FANCL: variants seen among roughly 807,000 people sequenced by gnomAD.
The protein encoded by FANCL is E3 ubiquitin-protein ligase FANCL.
Under a neutral mutation model 59.4 loss-of-function variants are expected in FANCL, and 69 were observed. The ratio of observed to expected loss-of-function variants is 1.16; its 90% CI spans 0.96 to 1.42. The LOEUF (loss-of-function observed/expected upper bound fraction) is 1.42, where lower values mean the gene tolerates loss of function less well. Among genes scored for constraint, FANCL ranks in the 40% most tolerant of loss-of-function variants. The pLI is 0.00. For missense variants in FANCL, 519 were observed against 447.2 expected (o/e 1.16, Z -1.45); for synonymous variants, 180 against 147.1 (o/e 1.22, Z -1.62).
chr2:58,186,926 G>GGA, intron 7 of FANCL, among the ~76,000 whole-genome samples: 1 of 152,238 alleles, frequency 6.6e-6, no homozygotes, highest in East Asian at 1.9e-4. Context: ...AACAGGTGCT[G>GGA]GAGGATGTGG....
chr2:58,192,740 T>G (rs1440794823), intron 7 of FANCL, among the ~76,000 whole-genome samples: 3 of 151,772 alleles, frequency 2.0e-5, no homozygotes, highest in Non-Finnish European at 2.9e-5. Flanking sequence ...AAAAGTAGTA[T>G]AAATACAAAA....
chr2:58,177,242 G>C (rs547008795), intron 7 of FANCL, among the ~76,000 whole-genome samples: 6 of 152,084 alleles, frequency 3.9e-5, no homozygotes, highest in Admixed American at 2.6e-4. Context: ...AGGGATCTAG[G>C]ACTAGAAATA....
chr2:58,222,916 T>C (rs1408346380), intron 4 of FANCL, among the ~76,000 whole-genome samples: 1 of 151,974 alleles, frequency 6.6e-6, no homozygotes, highest in East Asian at 1.9e-4. Flanking sequence ...TTGAAAATTA[T>C]AAACACTTCT....
intron 7 of FANCL, among the ~76,000 whole-genome samples, chr2:58,192,459 A>T (rs2105052690): frequency 6.6e-6 from 1 of 152,100 alleles, no homozygotes; most frequent in African/African-American, 2.4e-5. Context: ...AAAGTTTTTT[A>T]AAAAGTGACC....
intron 3 of FANCL, among the ~76,000 whole-genome samples, chr2:58,229,603 C>G (rs1043659560): frequency 6.6e-6 from 1 of 152,084 alleles, no homozygotes; most frequent in African/African-American, 2.4e-5. Flanking sequence ...AACCTAAAGT[C>G]TCAAAGATGG....
At chr2:58,204,934 A>G (rs1690438634) in intron 5 of FANCL, among the ~76,000 whole-genome samples, 4 of 152,144 alleles carry the variant, frequency 2.6e-5, no homozygotes, top group African/African-American at 4.8e-5. Flanking sequence ...TTTGAAATAT[A>G]TAATTCTGTA....
At position 58,198,755 on chromosome 2, in the gene FANCL, C is replaced by A; in HGVS notation, c.472-93G>T. 3 of 973,072 alleles carry A rather than the reference C, an allele frequency of 3.1e-6. No individual in the cohort carries two copies. The East Asian group carries it at 7.9e-5, about 26-fold the overall frequency. The allele number at this position is 973,072 out of a possible 1,614,324, so 60.3% of individuals were successfully genotyped here. On this transcript the variant is annotated intron_variant, in intron 6 of 13. Transcript: ENST00000233741. ...AAAACTAGATGTATTAGGGGCCGGG[C>A]GCGGTGGCTCACGCCTGTAATCCCA...
In FANCL at chr2:58,159,543, G is replaced by A. The variant is rs374699085; in HGVS notation, c.*222C>T. 28 of 1,613,594 alleles carry A rather than the reference G, an allele frequency of 1.7e-5. No individual in the cohort carries two copies. Among genetic ancestry groups the A allele is most frequent in the Middle Eastern group, 3.3e-4 (2 of 6,082 alleles). ...ATAAATACACTTCCACAGTCAGCAC[G>A]GGGATCACAGACTTAGAAAGTTCAA... On this transcript the variant is annotated 3_prime_UTR_variant, in exon 14 of 14. Transcript: ENST00000233741.
intron 5 of FANCL, among the ~76,000 whole-genome samples, chr2:58,217,771 G>C (rs1295998932): frequency 6.6e-6 from 1 of 150,752 alleles, no homozygotes; most frequent in Non-Finnish European, 1.5e-5. Context: ...GCTCTCTCCA[G>C]AGCTCTCAGG....
intron 5 of FANCL, among the ~76,000 whole-genome samples, chr2:58,210,855 T>C (rs1006831948): frequency 1.1e-4 from 16 of 152,194 alleles, no homozygotes; most frequent in Admixed American, 6.5e-4. Flanking sequence ...ATCCAGATCA[T>C]GCTGATACAA....
chr2:58,159,504 A>T lies in FANCL; in HGVS notation c.*261T>A. The T allele has an allele frequency of 1.9e-6, 3 of 1,613,762 alleles. No homozygotes were observed. Among genetic ancestry groups the T allele is most frequent in the Non-Finnish European group, 2.5e-6 (3 of 1,179,796 alleles). On this transcript the variant is annotated 3_prime_UTR_variant, in exon 14 of 14. Coordinates refer to ENST00000233741, the MANE Select transcript of FANCL (RefSeq NM_018062.4). ...GTCCAGATATATTCAAGAAGTCAAG[A>T]TCTCCATCTTGGTATAAATACACTT...
At position 58,159,622 on chromosome 2, in the gene FANCL, G is replaced by A; in HGVS notation, c.*143C>T. ...TACTCTTAGTGAAGAGACAAACGCA[G>A]ATGTTTATTATTATCGCATCATCAT... On this transcript the variant is annotated 3_prime_UTR_variant, in exon 14 of 14. Transcript: ENST00000233741. The A allele has an allele frequency of 6.2e-7, 1 of 1,613,764 alleles. No individual in the cohort carries two copies. The highest frequency in any genetic ancestry group is 2.2e-5 in the East Asian group (1 of 44,838).
chr2:58,204,174 C>T lies in FANCL; in HGVS notation c.427G>A (p.Ala143Thr). 1 of 1,613,386 alleles carries T rather than the reference C, an allele frequency of 6.2e-7. No homozygotes were observed. The highest frequency in any genetic ancestry group is 1.1e-5 in the South Asian group (1 of 91,066). ...GTGATTAAATGCTCTCTACCAGAAG[C>T]ATCTTCTGCTTTTAACTTGATGGTA... ...FSTIKLKAED[A>T]SGREHLITLK... Residue 143 changes from alanine to threonine, a missense_variant, in exon 6 of 14, where the codon GCT becomes ACT. Coordinates refer to ENST00000233741, the MANE Select transcript of FANCL (RefSeq NM_018062.4).
At chr2:58,203,026 TAAA>T (rs138392448) in intron 6 of FANCL, among the ~76,000 whole-genome samples, 2 of 134,144 alleles carry the variant, frequency 1.5e-5, no homozygotes, top group African/African-American at 5.2e-5. Flanking sequence ...AAATTTCTCT[TAAA>T]AAAAAAAAAA....
chr2:58,178,802 G>C (rs1687631488), intron 7 of FANCL, among the ~76,000 whole-genome samples: 1 of 152,150 alleles, frequency 6.6e-6, no homozygotes, highest in Non-Finnish European at 1.5e-5. Flanking sequence ...GTCTCTGTTT[G>C]CAGATGACAT....
At chr2:58,196,182 G>C (rs1295362593) in intron 7 of FANCL, among the ~76,000 whole-genome samples, 1 of 151,998 alleles carries the variant, frequency 6.6e-6, no homozygotes, top group Non-Finnish European at 1.5e-5. Context: ...ATGCACGGAT[G>C]GCCTATATAC....
intron 7 of FANCL, among the ~76,000 whole-genome samples, chr2:58,183,938 T>A (rs1421744896): frequency 6.6e-6 from 1 of 151,956 alleles, no homozygotes; most frequent in Admixed American, 6.6e-5. Context: ...ATACTCAGCC[T>A]CTCTAAGCTT....
At chr2:58,198,984 G>A (rs967977368) in intron 6 of FANCL, among the ~76,000 whole-genome samples, 2 of 149,222 alleles carry the variant, frequency 1.3e-5, no homozygotes, top group African/African-American at 5.0e-5. Context: ...AGCCGAGACT[G>A]CGCCACTGCA....
At chr2:58,171,321 T>C (rs927935948) in intron 7 of FANCL, among the ~76,000 whole-genome samples, 3 of 152,168 alleles carry the variant, frequency 2.0e-5, no homozygotes, top group Admixed American at 2.0e-4. Context: ...TTTTTGAAAC[T>C]TAAGTTATTG....
Sources: gnomAD v4.1 joint callset for allele counts (sites outside exome capture counted in the v4.1 genomes callset) on GRCh38, gnomAD v4.1.1 for gene constraint, MANE v1.5 for transcripts, NCBI Gene and HGNC (gene_info 2026-07-23, HGNC 2026-07-21) for gene names.